The following SBNO2 variants were observed in gnomAD, a reference collection of about 807,000 sequenced individuals.
The protein encoded by SBNO2 is strawberry notch homolog 2, also known as protein strawberry notch homolog 2.
SBNO2 carries 89 observed loss-of-function variants against 146.3 expected under a neutral mutation model. That is an observed-to-expected ratio of 0.61 (90% CI 0.51 to 0.73). The LOEUF (loss-of-function observed/expected upper bound fraction) is 0.73. Among genes scored for constraint, SBNO2 ranks in the 30% least tolerant of loss-of-function variants. The pLI, the probability that SBNO2 is intolerant of heterozygous loss-of-function variation, is 0.00. For synonymous variants in SBNO2, 1,147 were observed against 892.6 expected, an observed-to-expected ratio of 1.29 and a Z score of -5.08; for missense variants, 2,092 against 2,003.7, an observed-to-expected ratio of 1.04 and a Z score of -0.84.
rs565851031 is a variant in SBNO2 at position 1,112,764 on chromosome 19, CCTCTGTGCCTCTTGGGTCCCGTGGGCCG to C, written c.2379+26_2379+53del. 336 of 1,518,608 alleles carry C rather than the reference CCTCTGTGCCTCTTGGGTCCCGTGGGCCG, an allele frequency of 2.2e-4. No individual in the cohort carries two copies. The African/African-American group carries it at 3.8e-3, about 17-fold the overall frequency. The allele number at this position is 1,518,608 out of a possible 1,614,324, so 94.1% of individuals were successfully genotyped here. Reference sequence around the variant, plus strand: ...CACAGTCCCCGGGGACCCTTGGGCCCCTCTGTGCCTCTTGGGTCCCGTGGGCCGCGCCCAGTGCACTGCAGCCCCGCAC... The same window carrying C: ...CACAGTCCCCGGGGACCCTTGGGCCCCGCCCAGTGCACTGCAGCCCCGCAC... On this transcript the variant is annotated intron_variant, in intron 20 of 31. Coordinates refer to ENST00000361757, the MANE Select transcript of SBNO2 (RefSeq NM_014963.3). The surrounding 1 kb of genome is among the most constrained non-coding windows in gnomAD (Gnocchi z 5.9).
rs200132477 is a variant in SBNO2, at chr19:1,109,704, G to A, written c.3102C>T (p.Asp1034=). 1,948 of 1,607,482 alleles carry A rather than the reference G, an allele frequency of 1.2e-3. 3 individuals carry two copies. The highest frequency in any genetic ancestry group is 1.9e-3 in the Admixed American group (116 of 59,802). Reference sequence around the variant, plus strand: ...TGACCTTGTAGAAGACCACCTGCCCGTCCTGCGGGTGCCCGGGAGCCAGGA... The same window carrying A: ...TGACCTTGTAGAAGACCACCTGCCCATCCTGCGGGTGCCCGGGAGCCAGGA... The part of the protein sequence containing the change: ...QVFLAPGHPQ[D]GQVVFYKISV... The change falls in exon 27 of 32, where the codon GAC becomes GAT. Residue 1034 remains aspartate, a synonymous_variant. Coordinates refer to ENST00000361757, the MANE Select transcript of SBNO2 (RefSeq NM_014963.3). The surrounding 1 kb of genome is among the most constrained non-coding windows in gnomAD (Gnocchi z 4.2).
rs1052482813 is a variant in SBNO2 at position 1,108,011 on chromosome 19, G to A, written c.*209C>T. ...TACTTGGGAGGAGAGGCACAGAGAG[G>A]GCCCTGCCACGCCCCGGCCCCCAGC... is the stretch of plus-strand genomic sequence containing the variant. On this transcript the variant is annotated 3_prime_UTR_variant, in exon 32 of 32. Transcript: ENST00000361757. 5.1e-6 allele frequency: 2 copies of A among 391,918 alleles called. No homozygotes were observed. Among genetic ancestry groups the A allele is most frequent in the South Asian group, 4.4e-5 (1 of 22,596 alleles). 24.3% of individuals were successfully genotyped at this position (391,918 alleles called of 1,614,324 possible). A position where few individuals can be genotyped will look rare whatever the true frequency, so the allele number is the denominator to read the frequency against.
intron 2 of SBNO2, among the ~76,000 whole-genome samples, chr19:1,151,493 A>T (rs184926349): frequency 6.6e-6 from 1 of 152,182 alleles, no homozygotes; most frequent in African/African-American, 2.4e-5. Flanking sequence ...CCCGAGTCCC[A>T]CCCCACAGGG....
At chr19:1,130,037 G>A (rs767347514) in intron 4 of SBNO2, among the ~76,000 whole-genome samples, 3 of 152,118 alleles carry the variant, frequency 2.0e-5, no homozygotes, top group Admixed American at 6.5e-5. Context: ...CACACCACCC[G>A]ACCAGCCCCA....
chr19:1,117,262 G>A (rs2079843726), intron 15 of SBNO2, 61 bp downstream of exon 15: 4 of 1,469,130 alleles, frequency 2.7e-6, no homozygotes, highest in African/African-American at 1.4e-5. Context: ...CCTGGAAGAA[G>A]AGCAGCCTCC....
chr19:1,114,176 GC>G, intron 18 of SBNO2, 54 bp downstream of exon 18: 1 of 1,381,302 alleles, frequency 7.2e-7, no homozygotes, highest in South Asian at 1.6e-5. Context: ...TGGCTGCTCA[GC>G]CTGGACTGGA....
chr19:1,135,637 C>A (rs2080078458), intron 4 of SBNO2, among the ~76,000 whole-genome samples: 1 of 152,248 alleles, frequency 6.6e-6, no homozygotes, highest in East Asian at 1.9e-4. Flanking sequence ...CCAGGGTGCA[C>A]CCCTCACTGA....
At chr19:1,166,935 C>G (rs1010695389) in intron 1 of SBNO2, among the ~76,000 whole-genome samples, 2 of 152,222 alleles carry the variant, frequency 1.3e-5, no homozygotes, top group African/African-American at 2.4e-5. Context: ...TGCCAGCAGC[C>G]GGGCTATGCT....
intron 1 of SBNO2, among the ~76,000 whole-genome samples, chr19:1,170,807 C>T (rs1035488819): frequency 1.1e-4 from 16 of 151,450 alleles, no homozygotes; most frequent in Non-Finnish European, 2.4e-4. Flanking sequence ...AACATGCACA[C>T]AAAGTACACG....
In SBNO2 at chr19:1,152,934, A is replaced by G. The variant is rs1420011685; in HGVS notation, c.93+1250T>C. 9.2e-5 allele frequency among the ~76,000 whole-genome samples: 14 copies of G among 152,166 alleles called. No homozygotes were observed. The East Asian group carries it at 2.7e-3, about 30-fold the overall frequency. ...TTGGGAGGTCAAGGCAGGCGGGTCA[A>G]CTGAGCCCGGGAGTTTGAGACCAGC... On this transcript the variant is annotated intron_variant, in intron 2 of 31. Coordinates refer to ENST00000361757, the MANE Select transcript of SBNO2 (RefSeq NM_014963.3).
intron 23 of SBNO2, 129 bp downstream of exon 23, chr19:1,111,867 G>T: frequency 1.0e-6 from 1 of 966,732 alleles, no homozygotes; most frequent in Non-Finnish European, 1.5e-6. Flanking sequence ...CCTAGACCCG[G>T]CCCTCCTCCA....
In SBNO2 at chr19:1,136,646, T is replaced by A. The variant is rs2080086967; in HGVS notation, c.280-8881A>T. Among the ~76,000 whole-genome samples, 1 of 152,082 alleles carries A rather than the reference T, an allele frequency of 6.6e-6. No homozygotes were observed. The highest frequency in any genetic ancestry group is 2.1e-4 in the South Asian group (1 of 4,830). ...CCCCCTCTCCCTCTCCCTCCTTCGC[T>A]CCCTCATCTCTCTCCCTCTTTTTTG... On this transcript the variant is annotated intron_variant, in intron 4 of 31. Transcript: ENST00000361757. The surrounding 1 kb of genome is among the most constrained non-coding windows in gnomAD (Gnocchi z 4.2).
chr19:1,127,852 C>G, intron 4 of SBNO2, 87 bp from the exon 5 acceptor site: 1 of 1,207,772 alleles, frequency 8.3e-7, no homozygotes, highest in Non-Finnish European at 1.2e-6. Context: ...ATGGGAGACA[C>G]CACGGCCCTC....
rs375608296 is a variant in SBNO2, at chr19:1,109,539, C to G, written c.3183G>C (p.Thr1061=). The change falls in exon 28 of 32, where the codon ACG becomes ACC. Residue 1061 remains threonine, a synonymous_variant. Coordinates refer to ENST00000361757, the MANE Select transcript of SBNO2 (RefSeq NM_014963.3). The surrounding 1 kb of genome is among the most constrained non-coding windows in gnomAD (Gnocchi z 4.2). ...AGAGGTAGAAGCCGTCATAGGGGCC[C>G]GTCAGCGCCAGCGACTTGGCAAAGG... ...EDAFAKSLAL[T]GPYDGFYLSY... The G allele has an allele frequency of 1.1e-5, 18 of 1,601,158 alleles. No individual in the cohort carries two copies. In the South Asian group the frequency reaches 1.8e-4, roughly 16 times the overall value.
At position 1,136,014 on chromosome 19, in the gene SBNO2, T is replaced by G. The variant is rs1599854706; in HGVS notation, c.280-8249A>C. ...GGAATCCGGTCCTTGCAGATGTGAG[T>G]GGTTAAAAAAAAAAAGGCCGCACTG... On this transcript the variant is annotated intron_variant, in intron 4 of 31. Coordinates refer to ENST00000361757, the MANE Select transcript of SBNO2 (RefSeq NM_014963.3). The surrounding 1 kb of genome is among the most constrained non-coding windows in gnomAD (Gnocchi z 4.2). Among the ~76,000 whole-genome samples the G allele has an allele frequency of 3.4e-5, 5 of 147,954 alleles. No individual in the cohort carries two copies. The highest frequency in any genetic ancestry group is 3.0e-5 in the Non-Finnish European group (2 of 66,932).
intron 1 of SBNO2, among the ~76,000 whole-genome samples, chr19:1,170,735 A>G (rs1041601564): frequency 6.6e-6 from 1 of 152,118 alleles, no homozygotes; most frequent in Non-Finnish European, 1.5e-5. Context: ...GCACGCACAC[A>G]ACACACACAA....
At chr19:1,172,260 C>A (rs1231885036) in intron 1 of SBNO2, among the ~76,000 whole-genome samples, 1 of 152,194 alleles carries the variant, frequency 6.6e-6, no homozygotes, top group Admixed American at 6.5e-5. Flanking sequence ...CCGTGGGAGG[C>A]CCTGAGGCCC....
intron 15 of SBNO2, 84 bp from the exon 16 acceptor site, chr19:1,117,010 G>A: frequency 2.5e-6 from 3 of 1,223,348 alleles, no homozygotes; most frequent in Middle Eastern, 2.0e-4. Context: ...TGGGGTGATG[G>A]CCACATCCCT....
intron 1 of SBNO2, among the ~76,000 whole-genome samples, chr19:1,160,520 C>A (rs991119531): frequency 1.3e-5 from 2 of 152,098 alleles, no homozygotes; most frequent in Admixed American, 1.3e-4. Flanking sequence ...AGGCAGCTGG[C>A]TGGAGCCACC....
Sources: allele counts gnomAD v4.1 joint callset (sites outside exome capture counted in the v4.1 genomes callset), GRCh38; gene constraint gnomAD v4.1.1; non-coding constraint Gnocchi (gnomAD v3.1); transcripts MANE v1.5; gene names NCBI Gene and HGNC (gene_info 2026-07-23, HGNC 2026-07-21).